The following IL33 variants were observed in gnomAD, a reference collection of about 807,000 sequenced individuals.
The protein encoded by IL33 is interleukin-33.
In IL33, 37 loss-of-function variants were observed where a neutral mutation model predicts 27.3. That is an observed-to-expected ratio of 1.36 (90% CI 1.04 to 1.78). The LOEUF is 1.78. IL33 is among the 40% of genes most tolerant of loss of function. IL33 has a pLI of 0.00. For synonymous variants in IL33, 132 were observed against 102.9 expected (o/e 1.28, Z -1.71); for missense variants, 406 against 311.4 (o/e 1.30, Z -2.29).
rs1818533197 is a variant in IL33, at chr9:6,224,190, C to G, written c.-12+8338C>G. On this transcript the variant is annotated intron_variant, in intron 1 of 7. Transcript: ENST00000682010. ...CTAAAGCTGCCTTCAGATGAAGGCTCCCAGAACCAATTCCAGTAGCATCTA... is the reference window on the plus strand; with the variant it reads ...CTAAAGCTGCCTTCAGATGAAGGCTGCCAGAACCAATTCCAGTAGCATCTA... Among the ~76,000 whole-genome samples the G allele has an allele frequency of 2.6e-5, 4 of 152,062 alleles. 1 individual carries two copies. The South Asian group carries it at 8.3e-4, about 32-fold the overall frequency.
chr9:6,254,682 TA>T (rs1447568024), intron 7 of IL33, 129 bp downstream of exon 7: 1 of 439,450 alleles, frequency 2.3e-6, no homozygotes, highest in Non-Finnish European at 4.0e-6. Context: ...CTATTGTATA[TA>T]AAGCACAATC....
intron 2 of IL33, 127 bp from the exon 3 acceptor site, chr9:6,250,347 T>C: frequency 9.1e-7 from 1 of 1,102,416 alleles, no homozygotes; most frequent in Non-Finnish European, 1.3e-6. Context: ...GAAACACAGC[T>C]GAGTTAAGGA....
At chr9:6,225,863 T>C (rs1043650985) in intron 1 of IL33, among the ~76,000 whole-genome samples, 2 of 152,120 alleles carry the variant, frequency 1.3e-5, no homozygotes, top group Non-Finnish European at 2.9e-5. Context: ...ACTGGGACCA[T>C]AGGCACATAC....
chr9:6,251,268 A>G lies in IL33; in HGVS notation c.343+3A>G. 2 of 1,612,916 alleles carry G rather than the reference A, an allele frequency of 1.2e-6. No individual in the cohort carries two copies. Among genetic ancestry groups the G allele is most frequent in the South Asian group, 2.2e-5 (2 of 91,044 alleles). ...ACTTCATGATTCAAGTATCACAGGT[A>G]TGACTGGTTACAGGGGTGATGTGGG... On this transcript the variant is annotated splice_donor_region_variant and intron_variant, in intron 4 of 7. Transcript: ENST00000682010.
intron 1 of IL33, among the ~76,000 whole-genome samples, chr9:6,223,987 C>A (rs1818522155): frequency 1.3e-5 from 2 of 152,154 alleles, no homozygotes; most frequent in Admixed American, 1.3e-4. Context: ...GGAGTAGAAG[C>A]CAAGAAGCGC....
At chr9:6,245,037 G>T (rs1284432186) in intron 2 of IL33, among the ~76,000 whole-genome samples, 1 of 152,098 alleles carries the variant, frequency 6.6e-6, no homozygotes, top group Non-Finnish European at 1.5e-5. Flanking sequence ...CCGTTTCCAG[G>T]AAGCTACTTC....
Position 6,250,530 on chromosome 9 carries a change from G to T in IL33, c.148G>T (p.Gly50Cys). Reference sequence around the variant, plus strand: ...CATGTACTTTATGAAGCTCCGCTCTGGCCTTATGATAAAAAAGGAGGCCTG... The same window carrying T: ...CATGTACTTTATGAAGCTCCGCTCTTGCCTTATGATAAAAAAGGAGGCCTG... ...CPMYFMKLRS[G>C]LMIKKEACYF... Residue 50 changes from glycine (G) to cysteine (C), a missense_variant, in exon 3 of 8, where the codon GGC becomes TGC. Coordinates refer to ENST00000682010, the MANE Select transcript of IL33 (RefSeq NM_033439.4). The T allele has an allele frequency of 6.2e-7, 1 of 1,613,956 alleles. No individual in the cohort carries two copies. The highest frequency in any genetic ancestry group is 1.7e-4 in the Middle Eastern group (1 of 6,058).
chr9:6,219,522 T>C (rs1417685650), intron 1 of IL33, among the ~76,000 whole-genome samples: 3 of 152,196 alleles, frequency 2.0e-5, no homozygotes, highest in African/African-American at 7.2e-5. Context: ...TATAGCATAA[T>C]AGTAAAGACA....
At chr9:6,253,474 T>A in intron 5 of IL33, 78 bp from the exon 6 acceptor site, 1 of 930,770 alleles carries the variant, frequency 1.1e-6, no homozygotes, top group Non-Finnish European at 1.7e-6. Context: ...GGATATTTTC[T>A]GATGTTATGT....
At chr9:6,235,387 G>T (rs752336752) in intron 1 of IL33, among the ~76,000 whole-genome samples, 6 of 152,018 alleles carry the variant, frequency 3.9e-5, no homozygotes, top group Non-Finnish European at 8.8e-5. Flanking sequence ...GTCAATCAAA[G>T]ATTTATGTAT....
At chr9:6,232,257 A>G (rs554302119) in intron 1 of IL33, among the ~76,000 whole-genome samples, 21 of 152,222 alleles carry the variant, frequency 1.4e-4, no homozygotes, top group Non-Finnish European at 2.8e-4. Flanking sequence ...GGTGCTCAAT[A>G]TTTGTTGGAT....
At chr9:6,234,014 G>A (rs1331307738) in intron 1 of IL33, among the ~76,000 whole-genome samples, 1 of 152,124 alleles carries the variant, frequency 6.6e-6, no homozygotes, top group Non-Finnish European at 1.5e-5. Flanking sequence ...CCTGCTTTTT[G>A]AGACAGTGTT....
At chr9:6,248,694 C>A (rs1382084441) in intron 2 of IL33, among the ~76,000 whole-genome samples, 1 of 152,054 alleles carries the variant, frequency 6.6e-6, no homozygotes, top group Non-Finnish European at 1.5e-5. Context: ...TTGGTCTCAG[C>A]CTCCCAAGTT....
chr9:6,243,641 C>G (rs1396240962), intron 2 of IL33, among the ~76,000 whole-genome samples: 3 of 152,196 alleles, frequency 2.0e-5, no homozygotes, highest in Non-Finnish European at 4.4e-5. Context: ...AGGCATGAAC[C>G]ACCGCACTTG....
chr9:6,253,796 A>T (rs1415169351), intron 6 of IL33, among the ~76,000 whole-genome samples, 194 bp downstream of exon 6: 1 of 152,216 alleles, frequency 6.6e-6, no homozygotes, highest in Non-Finnish European at 1.5e-5. Flanking sequence ...CGTTAGGATA[A>T]AGTTTTGGCT....
chr9:6,218,240 T>G (rs1818233397), intron 1 of IL33, among the ~76,000 whole-genome samples: 1 of 152,192 alleles, frequency 6.6e-6, no homozygotes, highest in African/African-American at 2.4e-5. Context: ...GGTTACTTCA[T>G]AATTGATTTC....
rs183690696 is a variant in IL33 at position 6,218,697 on chromosome 9, A to G, written c.-12+2845A>G. On this transcript the variant is annotated intron_variant, in intron 1 of 7. Transcript: ENST00000682010. ...CCCCATATATATATGTTCTCCATAT[A>G]TATATATGTTCTCCATATATATATA... Among the ~76,000 whole-genome samples the G allele has an allele frequency of 1.7e-4, 22 of 129,824 alleles. No individual in the cohort carries two copies. The East Asian group carries it at 4.3e-3, about 25-fold the overall frequency. The allele number at this position is 129,824 out of a possible 152,430, so 85.2% of individuals were successfully genotyped here.
At chr9:6,243,111 C>T (rs1355599515) in intron 2 of IL33, among the ~76,000 whole-genome samples, 5 of 152,176 alleles carry the variant, frequency 3.3e-5, no homozygotes. Flanking sequence ...AAGGCCCCAC[C>T]TCCAACAATG....
At chr9:6,230,287 T>C (rs947339956) in intron 1 of IL33, among the ~76,000 whole-genome samples, 2 of 152,194 alleles carry the variant, frequency 1.3e-5, no homozygotes, top group Non-Finnish European at 2.9e-5. Context: ...CATAGATTGA[T>C]CTACTAGGTA....
Sources: gnomAD v4.1 joint callset for allele counts (sites outside exome capture counted in the v4.1 genomes callset) on GRCh38, gnomAD v4.1.1 for gene constraint, MANE v1.5 for transcripts, NCBI Gene and HGNC (gene_info 2026-07-23, HGNC 2026-07-21) for gene names.